The following SRPK2 variants were observed in gnomAD, a reference collection of about 807,000 sequenced individuals.
SRPK2 encodes SFRS protein kinase 2.
Under a neutral mutation model 90.8 loss-of-function variants are expected in SRPK2, and 21 were observed. The ratio of observed to expected loss-of-function variants is 0.23; its 90% CI spans 0.16 to 0.33. SRPK2 has a LOEUF of 0.33. Among genes scored for constraint, SRPK2 ranks in the 10% least tolerant of loss-of-function variants. The pLI is 1.00. For synonymous variants in SRPK2, 288 were observed against 311.1 expected (o/e 0.93, Z 0.78); for missense variants, 620 against 869.0 (o/e 0.71, Z 3.60).
At chr7:105,386,838 T>A (rs776788075) in intron 2 of SRPK2, among the ~76,000 whole-genome samples, 2 of 152,220 alleles carry the variant, frequency 1.3e-5, no homozygotes, top group African/African-American at 2.4e-5. Flanking sequence ...CCAGTTCGTT[T>A]CATCATTAGC....
At chr7:105,341,195 C>T (rs1303452434) in intron 2 of SRPK2, among the ~76,000 whole-genome samples, 1 of 151,650 alleles carries the variant, frequency 6.6e-6, no homozygotes, top group East Asian at 2.0e-4. Flanking sequence ...GAAACCCCAT[C>T]TCTACTAAAA....
chr7:105,388,460 C>T (rs933667722), intron 2 of SRPK2, among the ~76,000 whole-genome samples, 188 bp downstream of exon 2: 1 of 147,210 alleles, frequency 6.8e-6, no homozygotes, highest in Non-Finnish European at 1.5e-5. Flanking sequence ...GGCCGCGGCC[C>T]GCGCGCCCCT....
At chr7:105,159,466 A>AAAAAAAAAAAAAAAAAAAAAAAAAAAC (rs1316365933) in intron 7 of SRPK2, among the ~76,000 whole-genome samples, 31 of 114,290 alleles carry the variant, frequency 2.7e-4, no homozygotes, top group Middle Eastern at 5.5e-3. Context: ...AAAAAAAAAA[A>AAAAAAAAAAAAAAAAAAAAAAAAAAAC]AAAAAAACCG....
At position 105,130,728 on chromosome 7, in the gene SRPK2, G is replaced by C. The variant is rs1335113309; in HGVS notation, c.1752+2063C>G. On this transcript the variant is annotated intron_variant, in intron 13 of 15. Transcript: ENST00000393651. ...GCCTCATTGCTCCTAGGTTCTCTAG[G>C]AGGAACAAAAGAAACCTCTAAAGCC... Among the ~76,000 whole-genome samples, 4 of 151,680 alleles carry C rather than the reference G, an allele frequency of 2.6e-5. No homozygotes were observed. The East Asian group carries it at 5.8e-4, about 22-fold the overall frequency.
At chr7:105,342,217 G>A (rs1006816642) in intron 2 of SRPK2, among the ~76,000 whole-genome samples, 36 of 151,402 alleles carry the variant, frequency 2.4e-4, no homozygotes, top group Admixed American at 8.6e-4. Context: ...CCAGCTACTC[G>A]AAAGGCCAAG....
At chr7:105,355,370 C>T (rs1326125434) in intron 2 of SRPK2, among the ~76,000 whole-genome samples, 1 of 152,122 alleles carries the variant, frequency 6.6e-6, no homozygotes, top group Non-Finnish European at 1.5e-5. Flanking sequence ...GCAAGCAAGG[C>T]ACAGTGGCTC....
At chr7:105,136,723 G>A (rs182313619) in intron 11 of SRPK2, among the ~76,000 whole-genome samples, 45 of 152,246 alleles carry the variant, frequency 3.0e-4, no homozygotes, top group South Asian at 1.0e-3. Flanking sequence ...ACATCATAAG[G>A]GGTCCTTACA....
chr7:105,232,881 C>T (rs948866552), intron 2 of SRPK2, among the ~76,000 whole-genome samples: 2 of 151,870 alleles, frequency 1.3e-5, no homozygotes, highest in African/African-American at 2.4e-5. Context: ...GGTGTGGTGG[C>T]GGGTGCCTGT....
At chr7:105,212,768 G>T (rs938443606) in intron 2 of SRPK2, among the ~76,000 whole-genome samples, 1 of 152,168 alleles carries the variant, frequency 6.6e-6, no homozygotes, top group African/African-American at 2.4e-5. Context: ...GGACAGAGAT[G>T]ATTAAAAACT....
chr7:105,381,485 C>A (rs1039024631), intron 2 of SRPK2, among the ~76,000 whole-genome samples: 26 of 151,912 alleles, frequency 1.7e-4, no homozygotes, highest in African/African-American at 6.0e-4. Flanking sequence ...CAAAACAAAA[C>A]AAAACAAAAA....
intron 2 of SRPK2, among the ~76,000 whole-genome samples, chr7:105,209,190 T>C (rs979699504): frequency 5.9e-5 from 9 of 152,164 alleles, no homozygotes; most frequent in Non-Finnish European, 7.4e-5. Context: ...TATCTAAGGG[T>C]CCAAAGTTTA....
intron 2 of SRPK2, among the ~76,000 whole-genome samples, chr7:105,249,391 TA>T (rs1319925615): frequency 6.6e-6 from 1 of 152,142 alleles, no homozygotes; most frequent in Non-Finnish European, 1.5e-5. Context: ...AAATGCTCTG[TA>T]AAATGAAAGG....
chr7:105,288,360 G>A (rs1808452856), intron 2 of SRPK2, among the ~76,000 whole-genome samples: 1 of 152,156 alleles, frequency 6.6e-6, no homozygotes, highest in Non-Finnish European at 1.5e-5. Context: ...ACTTTGGGAG[G>A]TAGGGCGGGT....
intron 3 of SRPK2, among the ~76,000 whole-genome samples, chr7:105,182,453 C>CTTT (rs71152944): frequency 9.4e-5 from 11 of 116,520 alleles, no homozygotes; most frequent in African/African-American, 3.0e-4. Flanking sequence ...CCCCCCCCGC[C>CTTT]TTTTTTTTTT....
chr7:105,322,887 T>C (rs771756405), intron 2 of SRPK2, among the ~76,000 whole-genome samples: 4 of 152,166 alleles, frequency 2.6e-5, no homozygotes, highest in Non-Finnish European at 5.9e-5. Flanking sequence ...TGGGTGCAGC[T>C]GGAGACAAAA....
intron 2 of SRPK2, among the ~76,000 whole-genome samples, chr7:105,274,644 A>G (rs537370680): frequency 5.4e-3 from 267 of 49,676 alleles, no homozygotes; most frequent in Non-Finnish European, 0.014. Flanking sequence ...TCAAAGAAAG[A>G]AAAAAAAAAA....
At chr7:105,340,913 G>GT (rs1421541510) in intron 2 of SRPK2, among the ~76,000 whole-genome samples, 3 of 151,854 alleles carry the variant, frequency 2.0e-5, no homozygotes, top group African/African-American at 7.3e-5. Context: ...AGATATTAAT[G>GT]TTTTTTTAGA....
In SRPK2 at chr7:105,167,689, C is replaced by A. The variant is rs542931773; in HGVS notation, c.427-225G>T. Among the ~76,000 whole-genome samples the A allele has an allele frequency of 1.8e-4, 28 of 152,190 alleles. 1 individual carries two copies. The South Asian group carries it at 5.8e-3, about 32-fold the overall frequency. ...GCAGTGGTACGATCTCGGCTCACTG[C>A]AACCTCTGCCTCCCAGGTTCAAGTG... On this transcript the variant is annotated intron_variant, in intron 5 of 15. Coordinates refer to ENST00000393651, the MANE Select transcript of SRPK2 (RefSeq NM_182692.3).
At chr7:105,310,608 A>T (rs1230689859) in intron 2 of SRPK2, among the ~76,000 whole-genome samples, 1 of 151,946 alleles carries the variant, frequency 6.6e-6, no homozygotes, top group Non-Finnish European at 1.5e-5. Context: ...GCGCCACTGC[A>T]CTCCAGCCCG....
Sources: allele counts gnomAD v4.1 joint callset (sites outside exome capture counted in the v4.1 genomes callset), GRCh38; gene constraint gnomAD v4.1.1; transcripts MANE v1.5; gene names NCBI Gene and HGNC (gene_info 2026-07-23, HGNC 2026-07-21).